TTYH1: variants seen among roughly 807,000 people sequenced by gnomAD.
The protein encoded by TTYH1 is tweety family member 1, also known as protein tweety homolog 1.
TTYH1 carries 33 observed loss-of-function variants against 61.2 expected under a neutral mutation model. The ratio of observed to expected loss-of-function variants is 0.54; its 90% CI spans 0.41 to 0.72. The LOEUF is 0.72. TTYH1 is among the 30% of genes least tolerant of loss of function. TTYH1 has a pLI of 0.00. For missense variants in TTYH1, 538 were observed against 575.8 expected (o/e 0.93, Z 0.67); for synonymous variants, 308 against 266.4 (o/e 1.16, Z -1.52).
rs1044282034 is a variant in TTYH1, at chr19:54,418,846, C to A, written c.127-282C>A. On this transcript the variant is annotated intron_variant, in intron 1 of 13. Coordinates refer to ENST00000376530, the MANE Select transcript of TTYH1 (RefSeq NM_020659.4). Reference sequence around the variant, plus strand: ...CCCAGGCTCGGAGAAGGGGCGGTTCCTGCTAAAGATTGCACAGCCAATGGA... The same window carrying A: ...CCCAGGCTCGGAGAAGGGGCGGTTCATGCTAAAGATTGCACAGCCAATGGA... 3 of 397,754 alleles carry A rather than the reference C, an allele frequency of 7.5e-6. 1 individual carries two copies. Among genetic ancestry groups the A allele is most frequent in the Non-Finnish European group, 4.4e-6 (1 of 225,556 alleles). 24.6% of individuals were successfully genotyped at this position (397,754 alleles called of 1,614,324 possible).
chr19:54,415,726 T>C lies in TTYH1; in HGVS notation c.126+48T>C. On this transcript the variant is annotated intron_variant, in intron 1 of 13. Coordinates refer to ENST00000376530, the MANE Select transcript of TTYH1 (RefSeq NM_020659.4). This position sits in a 1 kb window ranked among gnomAD's most constrained non-coding sequence, Gnocchi z 5.2. The stretch of plus-strand genomic sequence containing the variant: ...GGGGGCCAGGGCTGGGGGCCGGAGC[T>C]CCTGGGTCCCGAGGGAGAAGGGGGC... The C allele has an allele frequency of 6.8e-7, 1 of 1,463,300 alleles. No homozygotes were observed. Among genetic ancestry groups the C allele is most frequent in the African/African-American group, 1.4e-5 (1 of 70,024 alleles). The allele number at this position is 1,463,300 out of a possible 1,614,324, so 90.6% of individuals were successfully genotyped here. A position where few individuals can be genotyped will look rare whatever the true frequency, so the allele number is the denominator to read the frequency against.
Position 54,426,685 on chromosome 19 carries a change from C to G in TTYH1, c.651C>G (p.Tyr217Ter). The G allele has an allele frequency of 6.2e-7, 1 of 1,613,624 alleles. No homozygotes were observed. The highest frequency in any genetic ancestry group is 8.5e-7 in the Non-Finnish European group (1 of 1,179,870). The change falls in exon 5 of 14, where the codon TAC (tyrosine) becomes TAG (stop). Residue 217 changes from tyrosine to a stop codon, truncating the protein, a stop_gained. Transcript: ENST00000376530. LOFTEE classifies it high-confidence loss of function. ...SFVEEYRWLAYVLLLLLELLV... is the reference protein window; with the variant it reads ...SFVEEYRWLA Reference sequence around the variant, plus strand: ...TCTCCCCTCCCAGGTGGCTGGCCTACGTCCTCCTGCTGCTCCTGGAGCTGC... The same window carrying G: ...TCTCCCCTCCCAGGTGGCTGGCCTAGGTCCTCCTGCTGCTCCTGGAGCTGC...
chr19:54,422,220 G>A lies in TTYH1; in HGVS notation c.448G>A (p.Ala150Thr), dbSNP rs756286161. The change falls in exon 4 of 14, where the codon GCG (alanine) becomes ACG (threonine). Residue 150 changes from alanine to threonine, a missense_variant. Physicochemically the swap from Ala to Thr is moderately conservative, Grantham distance 58 (BLOSUM62 0). Coordinates refer to ENST00000376530, the MANE Select transcript of TTYH1 (RefSeq NM_020659.4). ...VLETVERLGEAVRTELTTLEE... is the reference protein window; with the variant it reads ...VLETVERLGETVRTELTTLEE... ...GGAGACGGTGGAGAGGCTGGGCGAG[G>A]CGGTGAGGACAGAGCTGACCACCCT... 1 of 1,565,406 alleles carries A rather than the reference G, an allele frequency of 6.4e-7. No individual in the cohort carries two copies. Among genetic ancestry groups the A allele is most frequent in the East Asian group, 2.3e-5 (1 of 43,156 alleles).
In TTYH1 at chr19:54,416,898, G is replaced by A; in HGVS notation, c.126+1220G>A. ...GAGACCTCCCGAAGCCGCACGCGGG[G>A]ATCCGCGGCCCCAGTCACCGCCAGA... On this transcript the variant is annotated intron_variant, in intron 1 of 13. Coordinates refer to ENST00000376530, the MANE Select transcript of TTYH1 (RefSeq NM_020659.4). The surrounding 1 kb of genome is among the most constrained non-coding windows in gnomAD (Gnocchi z 7.0). The A allele has an allele frequency of 7.8e-7, 1 of 1,287,332 alleles. No individual in the cohort carries two copies. The highest frequency in any genetic ancestry group is 1.0e-6 in the Non-Finnish European group (1 of 986,118). 79.7% of individuals were successfully genotyped at this position (1,287,332 alleles called of 1,614,324 possible). A position where few individuals can be genotyped will look rare whatever the true frequency, so the allele number is the denominator to read the frequency against.
intron 3 of TTYH1, 41 bp from the exon 4 acceptor site, chr19:54,422,149 C>A (rs376560905): frequency 9.3e-6 from 14 of 1,505,484 alleles, no homozygotes; most frequent in Non-Finnish European, 1.2e-5. Flanking sequence ...GGGCTCCCCC[C>A]AGGATGTCCT....
chr19:54,432,314 T>G (rs576834107), intron 10 of TTYH1: 2 of 152,398 alleles, frequency 1.3e-5, no homozygotes, highest in South Asian at 4.1e-4. Flanking sequence ...ACCTCACATG[T>G]GCATAGCTTC....
rs774444751 is a variant in TTYH1, at chr19:54,422,278, T to A, written c.506T>A (p.Val169Glu). 4 of 1,567,228 alleles carry A rather than the reference T, an allele frequency of 2.6e-6. No individual in the cohort carries two copies. The South Asian group carries it at 4.7e-5, about 18-fold the overall frequency. The part of the protein sequence containing the change: ...EEVLEPRTEL[V>E]AAARGARRQA... ...GTGCTCGAGCCGCGCACGGAGCTGGTGGCTGCCGCCCGAGGGGCTCGACGG... is the reference window on the plus strand; with the variant it reads ...GTGCTCGAGCCGCGCACGGAGCTGGAGGCTGCCGCCCGAGGGGCTCGACGG... Residue 169 changes from valine to glutamate, a missense_variant, in exon 4 of 14, where the codon GTG (valine) becomes GAG (glutamate). By Grantham distance (121) the Val-to-Glu change is moderately radical. Around this residue, in one of 3 missense-constraint regions of TTYH1, gnomAD observed 378 missense variants for 401.2 expected, o/e 0.94. Coordinates refer to ENST00000376530, the MANE Select transcript of TTYH1 (RefSeq NM_020659.4).
intron 4 of TTYH1, chr19:54,426,449 G>A (rs1219518711): frequency 1.7e-6 from 1 of 591,500 alleles, no homozygotes; most frequent in Non-Finnish European, 3.1e-6. Flanking sequence ...AGGTGCTCAG[G>A]ACCTGTATTC....
At chr19:54,417,133 CAT>C (rs2083098124) in intron 1 of TTYH1, among the ~76,000 whole-genome samples, 1 of 152,096 alleles carries the variant, frequency 6.6e-6, no homozygotes, top group Non-Finnish European at 1.5e-5. Context: ...CACTCACTGG[CAT>C]ATGCACAGCA....
chr19:54,430,957 G>C lies in TTYH1; in HGVS notation c.1032+52G>C, dbSNP rs748053222. On this transcript the variant is annotated intron_variant, in intron 9 of 13. Transcript: ENST00000376530. ...CGCGGACCCCACGGGGAAGGCGGAC[G>C]GGGCGGGATGGAGCTGTGGGGCGTA... 7 of 1,588,820 alleles carry C rather than the reference G, an allele frequency of 4.4e-6. No individual in the cohort carries two copies. The South Asian group carries it at 6.6e-5, about 15-fold the overall frequency.
chr19:54,429,792 G>T lies in TTYH1; in HGVS notation c.808-90G>T. 8.8e-7 allele frequency: 1 copy of T among 1,140,744 alleles called. No individual in the cohort carries two copies. Among genetic ancestry groups the T allele is most frequent in the Non-Finnish European group, 1.3e-6 (1 of 767,276 alleles). The allele number at this position is 1,140,744 out of a possible 1,614,324, so 70.7% of individuals were successfully genotyped here. A position where few individuals can be genotyped will look rare whatever the true frequency, so the allele number is the denominator to read the frequency against. On this transcript the variant is annotated intron_variant, in intron 6 of 13. Transcript: ENST00000376530. The surrounding 1 kb of genome is among the most constrained non-coding windows in gnomAD (Gnocchi z 5.1). ...TGGGACCTGGACCCCTGGGTGGGGAGGGGAGCTGGGGAGCCAGGCACTGGG... is the reference window on the plus strand; with the variant it reads ...TGGGACCTGGACCCCTGGGTGGGGATGGGAGCTGGGGAGCCAGGCACTGGG...
chr19:54,425,140 G>C (rs2083297269), intron 4 of TTYH1, among the ~76,000 whole-genome samples: 1 of 152,190 alleles, frequency 6.6e-6, no homozygotes, highest in Admixed American at 6.5e-5. Context: ...GAACAATGGC[G>C]AGCCTCTAGC....
At chr19:54,417,164 C>T (rs1270842073) in intron 1 of TTYH1, among the ~76,000 whole-genome samples, 1 of 152,006 alleles carries the variant, frequency 6.6e-6, no homozygotes, top group Admixed American at 6.6e-5. Context: ...CGTCCACTTA[C>T]TCCCATTACA....
rs1160808514 is a variant in TTYH1 at position 54,415,544 on chromosome 19, C to T, written c.-9C>T. ...GGCGTCCGCCCCGCTGCCCCCTCCC[C>T]CGGGGGCCATGGGGGCGCCCCCGGG... On this transcript the variant is annotated 5_prime_UTR_variant, in exon 1 of 14. Coordinates refer to ENST00000376530, the MANE Select transcript of TTYH1 (RefSeq NM_020659.4). The surrounding 1 kb of genome is among the most constrained non-coding windows in gnomAD (Gnocchi z 5.2). 2.1e-6 allele frequency: 3 copies of T among 1,462,446 alleles called. No individual in the cohort carries two copies. The highest frequency in any genetic ancestry group is 4.9e-5 in the Admixed American group (2 of 40,692). The allele number at this position is 1,462,446 out of a possible 1,614,324, so 90.6% of individuals were successfully genotyped here.
At chr19:54,431,223 CA>C (rs773118690) in intron 10 of TTYH1, 32 bp downstream of exon 10, 2 of 1,521,600 alleles carry the variant, frequency 1.3e-6, no homozygotes, top group Admixed American at 3.3e-5. Context: ...TTTCTTCTCC[CA>C]CGGGGGGCCT....
rs142118870 is a variant in TTYH1, at chr19:54,425,328, A to C, written c.639-1345A>C. On this transcript the variant is annotated intron_variant, in intron 4 of 13. Coordinates refer to ENST00000376530, the MANE Select transcript of TTYH1 (RefSeq NM_020659.4). Reference sequence around the variant, plus strand: ...ACGGACCAGAAGAGTGTGCAGTTTCAAGTTTTAATAGAGTGAAAACAGAGT... The same window carrying C: ...ACGGACCAGAAGAGTGTGCAGTTTCCAGTTTTAATAGAGTGAAAACAGAGT... Among the ~76,000 whole-genome samples, 557 of 152,262 alleles carry C rather than the reference A, an allele frequency of 3.7e-3. 3 individuals carry two copies. Among genetic ancestry groups the C allele is most frequent in the African/African-American group, 0.013 (529 of 41,558 alleles).
intron 10 of TTYH1, 89 bp downstream of exon 10, chr19:54,431,280 GC>G (rs766379212): frequency 3.0e-5 from 25 of 844,208 alleles, no homozygotes; most frequent in Non-Finnish European, 5.0e-5. Context: ...TTGGACCCCT[GC>G]CATTGCGCCT....
In TTYH1 at chr19:54,424,958, C is replaced by T. The variant is rs865839878; in HGVS notation, c.639-1715C>T. On this transcript the variant is annotated intron_variant, in intron 4 of 13. Coordinates refer to ENST00000376530, the MANE Select transcript of TTYH1 (RefSeq NM_020659.4). ...CCACTTCCAAGAGGGCAGCAAGCCT[C>T]GTGTTCTCTGACCTGGGGTTCTTGG... Among the ~76,000 whole-genome samples, 104 of 152,258 alleles carry T rather than the reference C, an allele frequency of 6.8e-4. 1 individual carries two copies. The highest frequency in any genetic ancestry group is 2.2e-3 in the African/African-American group (93 of 41,544).
At position 54,419,999 on chromosome 19, in the gene TTYH1, C is replaced by T. The variant is rs1436658490; in HGVS notation, c.305+693C>T. On this transcript the variant is annotated intron_variant, in intron 2 of 13. Coordinates refer to ENST00000376530, the MANE Select transcript of TTYH1 (RefSeq NM_020659.4). This position sits in a 1 kb window ranked among gnomAD's most constrained non-coding sequence, Gnocchi z 6.1. ...ATTCAGGGGTGTCAGGCCCAGTTTC[C>T]AAAGAGGAAGGCTCAGGGACAGAGG... 1.3e-5 allele frequency among the ~76,000 whole-genome samples: 2 copies of T among 152,106 alleles called. No individual in the cohort carries two copies. Among genetic ancestry groups the T allele is most frequent in the East Asian group, 3.9e-4 (2 of 5,184 alleles).
Sources: gnomAD v4.1 joint callset for allele counts (sites outside exome capture counted in the v4.1 genomes callset) on GRCh38, gnomAD v4.1.1 for gene constraint, gnomAD v4.1.1 regional missense constraint, Gnocchi (gnomAD v3.1) non-coding constraint, MANE v1.5 for transcripts, NCBI Gene and HGNC (gene_info 2026-07-23, HGNC 2026-07-21) for gene names.